Variants in CR1 observed in about 807,000 individuals in gnomAD.
The protein encoded by CR1 is complement C3b/C4b receptor 1 (Knops blood group).
In CR1, 116 loss-of-function variants were observed where a neutral mutation model predicts 187.3. The observed-to-expected ratio is 0.62, with a 90% CI of 0.53 to 0.72. CR1 has a LOEUF of 0.72. CR1 is among the 30% of genes least tolerant of loss of function. The pLI is 0.00. For missense variants in CR1, 1,731 were observed against 2,110.7 expected (o/e 0.82, Z 3.52); for synonymous variants, 576 against 747.1 (o/e 0.77, Z 3.73).
chr1:207,512,038 C>A (rs2102289405), intron 4 of CR1, among the ~76,000 whole-genome samples: 1 of 152,044 alleles, frequency 6.6e-6, no homozygotes, highest in East Asian at 1.9e-4. Flanking sequence ...CTCTCATGTA[C>A]CACGAGATCA....
At chr1:207,605,337 C>CCACACACACA (rs61201153) in intron 35 of CR1, among the ~76,000 whole-genome samples, 72 of 142,782 alleles carry the variant, frequency 5.0e-4, no homozygotes, top group Admixed American at 1.4e-3. Flanking sequence ...AATATTCTCA[C>CCACACACACA]CACACACACA....
At chr1:207,504,340 G>A (rs1036328715) in intron 1 of CR1, among the ~76,000 whole-genome samples, 4 of 151,914 alleles carry the variant, frequency 2.6e-5, no homozygotes, top group Admixed American at 6.6e-5. Flanking sequence ...ATTTCTAGAG[G>A]CAGAGATATT....
intron 4 of CR1, among the ~76,000 whole-genome samples, chr1:207,514,163 TC>T (rs1252574254): frequency 2.6e-5 from 4 of 152,196 alleles, no homozygotes; most frequent in Non-Finnish European, 5.9e-5. Flanking sequence ...ATTTTAAATT[TC>T]AATTTTACAT....
At chr1:207,505,772 G>A (rs1659408559) in intron 1 of CR1, 132 bp from the exon 2 acceptor site, 2 of 953,076 alleles carry the variant, frequency 2.1e-6, no homozygotes, top group South Asian at 1.8e-5. Context: ...AGAGGCGGAG[G>A]TTGCAGTGAG....
intron 46 of CR1, among the ~76,000 whole-genome samples, chr1:207,634,956 T>G: frequency 6.6e-6 from 1 of 152,342 alleles, no homozygotes; most frequent in Middle Eastern, 3.4e-3. Flanking sequence ...CACTTTTTCT[T>G]TGGACAAAAT....
intron 4 of CR1, among the ~76,000 whole-genome samples, chr1:207,517,306 A>G (rs938705276): frequency 1.3e-5 from 2 of 152,062 alleles, no homozygotes; most frequent in Non-Finnish European, 2.9e-5. Flanking sequence ...AGGATTGCTC[A>G]TATTTTTATT....
chr1:207,525,507 C>T (rs535821957), intron 5 of CR1, among the ~76,000 whole-genome samples: 8 of 151,960 alleles, frequency 5.3e-5, no homozygotes, highest in Admixed American at 1.3e-4. Context: ...TCATTGGCAT[C>T]GTTACAATTG....
chr1:207,526,658 A>G, intron 5 of CR1, 95 bp from the exon 6 acceptor site: 2 of 1,470,144 alleles, frequency 1.4e-6, no homozygotes, highest in Non-Finnish European at 1.8e-6. Context: ...TTATTATTAT[A>G]TATAGATTTG....
intron 35 of CR1, chr1:207,605,904 T>C (rs185983431): frequency 9.8e-5 from 15 of 152,318 alleles, no homozygotes; most frequent in African/African-American, 3.4e-4. Context: ...ACATTGACGG[T>C]CATTGCCATA....
chr1:207,574,288 A>G (rs1660666824), intron 27 of CR1, among the ~76,000 whole-genome samples: 2 of 152,234 alleles, frequency 1.3e-5, no homozygotes, highest in Admixed American at 6.5e-5. Flanking sequence ...GATTCCAGAA[A>G]TAAAATGTGA....
intron 35 of CR1, among the ~76,000 whole-genome samples, chr1:207,602,746 T>C (rs777687592): frequency 9.2e-5 from 14 of 152,124 alleles, no homozygotes; most frequent in Non-Finnish European, 1.3e-4. Flanking sequence ...AACTGATGGT[T>C]GTTTACCTGA....
At chr1:207,609,078 T>A (rs1661832979) in intron 36 of CR1, among the ~76,000 whole-genome samples, 1 of 152,146 alleles carries the variant, frequency 6.6e-6, no homozygotes, top group South Asian at 2.1e-4. Flanking sequence ...ACATGGATTT[T>A]TTTTGTGAAA....
intron 5 of CR1, among the ~76,000 whole-genome samples, chr1:207,524,587 C>T (rs1446720907): frequency 6.6e-6 from 1 of 151,932 alleles, no homozygotes; most frequent in African/African-American, 2.4e-5. Flanking sequence ...AGAGTCTCAC[C>T]ATGTTGCCCA....
At position 207,613,225 on chromosome 1, in the gene CR1, C is replaced by T. The variant is rs140331798; in HGVS notation, c.6576-1179C>T. 5.5e-4 allele frequency among the ~76,000 whole-genome samples: 83 copies of T among 152,256 alleles called. No individual in the cohort carries two copies. In the East Asian group the frequency reaches 0.01, roughly 19 times the overall value. The stretch of plus-strand genomic sequence containing the variant: ...ACAGCTTCTCAGCGGAGACGAGACA[C>T]GAGGGTGGACCCCAGATGAAGTCAG... On this transcript the variant is annotated intron_variant, in intron 39 of 46. Coordinates refer to ENST00000367049, the MANE Select transcript of CR1 (RefSeq NM_000651.6).
chr1:207,579,118 C>T (rs942056876), intron 29 of CR1, among the ~76,000 whole-genome samples: 3 of 152,130 alleles, frequency 2.0e-5, no homozygotes, highest in Admixed American at 1.3e-4. Flanking sequence ...TAAGCATGAA[C>T]GAACAGGACT....
intron 27 of CR1, among the ~76,000 whole-genome samples, chr1:207,573,581 C>T (rs1026800515): frequency 8.6e-5 from 13 of 151,796 alleles, no homozygotes; most frequent in African/African-American, 3.2e-4. Flanking sequence ...AAGAGATTTA[C>T]TGCCAAGAAA....
intron 1 of CR1, among the ~76,000 whole-genome samples, chr1:207,503,326 C>A (rs1286805507): frequency 6.6e-6 from 1 of 152,202 alleles, no homozygotes; most frequent in Non-Finnish European, 1.5e-5. Flanking sequence ...ATATACCATT[C>A]TCTTTTTGTA....
At chr1:207,617,780 C>T (rs1662193032) in intron 41 of CR1, among the ~76,000 whole-genome samples, 1 of 151,192 alleles carries the variant, frequency 6.6e-6, no homozygotes, top group African/African-American at 2.4e-5. Flanking sequence ...GTTCCATCTT[C>T]CAGTAAGGAC....
Position 207,581,408 on chromosome 1 carries a change from A to G in CR1, c.5217-510A>G, listed in dbSNP as rs187617473. Among the ~76,000 whole-genome samples the G allele has an allele frequency of 3.9e-4, 58 of 150,474 alleles. 1 individual carries two copies. The East Asian group carries it at 0.011, about 28-fold the overall frequency. The stretch of plus-strand genomic sequence containing the variant: ...TATGTATATATACATATGTATATAC[A>G]TATATATGGAACATATGTATATATA... On this transcript the variant is annotated intron_variant, in intron 31 of 46. Coordinates refer to ENST00000367049, the MANE Select transcript of CR1 (RefSeq NM_000651.6).
Sources: allele counts gnomAD v4.1 joint callset (sites outside exome capture counted in the v4.1 genomes callset), GRCh38; gene constraint gnomAD v4.1.1; transcripts MANE v1.5; gene names NCBI Gene and HGNC (gene_info 2026-07-23, HGNC 2026-07-21).